ATP13A4: variants seen among roughly 807,000 people sequenced by gnomAD.
The protein encoded by ATP13A4 is probable cation-transporting ATPase 13A4.
Under a neutral mutation model 142.5 loss-of-function variants are expected in ATP13A4, and 114 were observed. The ratio of observed to expected loss-of-function variants is 0.80; its 90% CI spans 0.69 to 0.93. The LOEUF (loss-of-function observed/expected upper bound fraction) is 0.93. Ranked by LOEUF, ATP13A4 falls within the 40% of genes least tolerant of loss-of-function variation. The pLI is 0.00. For synonymous variants in ATP13A4, 488 were observed against 514.8 expected (o/e 0.95, Z 0.70); for missense variants, 1,392 against 1,454.0 (o/e 0.96, Z 0.69).
chr3:193,534,298 A>T (rs2108706906), intron 1 of ATP13A4, among the ~76,000 whole-genome samples: 1 of 152,306 alleles, frequency 6.6e-6, no homozygotes, highest in East Asian at 1.9e-4. Flanking sequence ...GTTTCATAAC[A>T]CAATACCCAA....
At chr3:193,418,076 C>G (rs1423846709) in intron 25 of ATP13A4, among the ~76,000 whole-genome samples, 2 of 102,996 alleles carry the variant, frequency 1.9e-5, no homozygotes, top group Non-Finnish European at 1.8e-5. Flanking sequence ...GAGCCGAGAT[C>G]CCGCCACTGC....
chr3:193,562,212 G>GAAAC (rs1333214726), intron 2 of ATP13A4, among the ~76,000 whole-genome samples: 9 of 151,984 alleles, frequency 5.9e-5, no homozygotes, highest in Admixed American at 5.2e-4. Flanking sequence ...CCCTGGGGTG[G>GAAAC]AAACAAACAA....
At chr3:193,452,818 C>A (rs1417465545) in intron 17 of ATP13A4, among the ~76,000 whole-genome samples, 1 of 149,540 alleles carries the variant, frequency 6.7e-6, no homozygotes, top group Non-Finnish European at 1.5e-5. Flanking sequence ...TAAACAATTA[C>A]AAAATTGTTT....
rs545560320 is a variant in ATP13A4 at position 193,419,630 on chromosome 3, G to A, written c.2843-4880C>T. On this transcript the variant is annotated intron_variant, in intron 25 of 29. Transcript: ENST00000342695. The stretch of plus-strand genomic sequence containing the variant: ...CTCCCAAGGAATCAATGCTTTGGCC[G>A]AGCTCGCAGTTGTGCATTCCAGGCC... Among the ~76,000 whole-genome samples, 21 of 148,152 alleles carry A rather than the reference G, an allele frequency of 1.4e-4. 1 individual carries two copies. In the South Asian group the frequency reaches 2.8e-3, roughly 20 times the overall value.
At chr3:193,417,750 CCGAGGCAGG>C in intron 25 of ATP13A4, among the ~76,000 whole-genome samples, 5 of 137,520 alleles carry the variant, frequency 3.6e-5, no homozygotes, top group East Asian at 2.8e-4. Context: ...CTTCGGGAGG[CCGAGGCAGG>C]TGGATCACGA....
At chr3:193,460,161 C>T (rs575619706) in intron 13 of ATP13A4, among the ~76,000 whole-genome samples, 5 of 152,264 alleles carry the variant, frequency 3.3e-5, no homozygotes, top group African/African-American at 7.2e-5. Flanking sequence ...TCAACTCTGC[C>T]GTCCCCTTCA....
chr3:193,554,746 A>C lies in ATP13A4; in HGVS notation c.54T>G (p.Asn18Lys). 3 of 1,613,450 alleles carry C rather than the reference A, an allele frequency of 1.9e-6. No homozygotes were observed. The highest frequency in any genetic ancestry group is 2.5e-6 in the Non-Finnish European group (3 of 1,179,914). ...QHALLNEGEE[N>K]EMEIFGYRTQ... ...AATGTGGCTAGAATCTTACCATCTC[A>C]TTCTCTTCTCCTTCATTGAGCAGAG... The change falls in exon 1 of 30, where the codon AAT becomes AAG. Residue 18 changes from asparagine (N) to lysine (K), a missense_variant. Asn to Lys is a moderately conservative substitution (Grantham distance 94). Coordinates refer to ENST00000342695, the MANE Select transcript of ATP13A4 (RefSeq NM_032279.4).
At chr3:193,549,087 G>T (rs1723391674) in intron 1 of ATP13A4, among the ~76,000 whole-genome samples, 1 of 152,180 alleles carries the variant, frequency 6.6e-6, no homozygotes, top group Non-Finnish European at 1.5e-5. Context: ...ATGTCAGCAT[G>T]AATGGAGGAG....
At chr3:193,497,232 A>C (rs1173063058) in intron 3 of ATP13A4, among the ~76,000 whole-genome samples, 1 of 152,208 alleles carries the variant, frequency 6.6e-6, no homozygotes, top group African/African-American at 2.4e-5. Context: ...GCAACAAAAC[A>C]ACTATTTGAT....
intron 13 of ATP13A4, among the ~76,000 whole-genome samples, chr3:193,461,955 C>CTGA (rs1236741599): frequency 6.6e-6 from 1 of 152,200 alleles, no homozygotes. Flanking sequence ...AGTGCAGTGG[C>CTGA]TGATGCCTGT....
rs752757680 is a variant in ATP13A4, at chr3:193,428,905, C to G, written c.2842+4940G>C. Among the ~76,000 whole-genome samples, 4 of 151,892 alleles carry G rather than the reference C, an allele frequency of 2.6e-5. No individual in the cohort carries two copies. The East Asian group carries it at 5.8e-4, about 22-fold the overall frequency. ...TGTATACATATGTAACAAACCTTCA[C>G]GTTGTGCACATGTACCCTAGAACTT... On this transcript the variant is annotated intron_variant, in intron 25 of 29. Coordinates refer to ENST00000342695, the MANE Select transcript of ATP13A4 (RefSeq NM_032279.4).
intron 1 of ATP13A4, among the ~76,000 whole-genome samples, chr3:193,521,519 T>C (rs958904672): frequency 3.9e-5 from 6 of 152,234 alleles, no homozygotes; most frequent in African/African-American, 1.4e-4. Context: ...ACTCTAATGT[T>C]ACGATTAACC....
chr3:193,562,153 A>G (rs551519896), intron 2 of ATP13A4, among the ~76,000 whole-genome samples: 166 of 152,178 alleles, frequency 1.1e-3, no homozygotes, highest in African/African-American at 4.0e-3. Context: ...TGGACCCCAC[A>G]TACTCTGGTC....
chr3:193,563,298 C>A (rs1373529137), intron 2 of ATP13A4, among the ~76,000 whole-genome samples: 1 of 152,124 alleles, frequency 6.6e-6, no homozygotes, highest in Non-Finnish European at 1.5e-5. Context: ...GAAGGCCTGG[C>A]TAACCCACAG....
intron 25 of ATP13A4, among the ~76,000 whole-genome samples, chr3:193,422,659 A>C (rs1159907005): frequency 6.7e-6 from 1 of 149,804 alleles, no homozygotes; most frequent in African/African-American, 2.5e-5. Flanking sequence ...TTAGAAGAGA[A>C]GTTAAAAAAT....
intron 1 of ATP13A4, among the ~76,000 whole-genome samples, chr3:193,587,770 T>C (rs1724695812): frequency 6.6e-6 from 1 of 152,192 alleles, no homozygotes. Context: ...GAATGTAATA[T>C]ATTTAGTCTT....
intron 8 of ATP13A4, among the ~76,000 whole-genome samples, chr3:193,473,410 G>C (rs1452594549): frequency 2.6e-5 from 4 of 152,146 alleles, no homozygotes; most frequent in Admixed American, 2.6e-4. Flanking sequence ...TGTAGAAGGA[G>C]AGATAACATT....
intron 25 of ATP13A4, among the ~76,000 whole-genome samples, chr3:193,418,316 CAA>C (rs60172777): frequency 6.7e-5 from 7 of 104,988 alleles, no homozygotes; most frequent in Non-Finnish European, 5.8e-5. Flanking sequence ...GACTCCATCT[CAA>C]AAAAAAAAAA....
In ATP13A4 at chr3:193,441,425, C is replaced by G. The variant is rs374596056; in HGVS notation, c.2439+41G>C. ...GACCATGTTCTGTAAGTGACATCAT[C>G]AGCATTTTCATAGGGAGATTGTCAC... On this transcript the variant is annotated intron_variant, in intron 20 of 29. Transcript: ENST00000342695. 6.8e-6 allele frequency: 11 copies of G among 1,610,830 alleles called. No homozygotes were observed. In the East Asian group the frequency reaches 2.5e-4, roughly 36 times the overall value.
Sources: allele counts gnomAD v4.1 joint callset (sites outside exome capture counted in the v4.1 genomes callset), GRCh38; gene constraint gnomAD v4.1.1; transcripts MANE v1.5; gene names NCBI Gene and HGNC (gene_info 2026-07-23, HGNC 2026-07-21).